VAV3: variants seen among roughly 807,000 people sequenced by gnomAD.
The protein encoded by VAV3 is vav guanine nucleotide exchange factor 3, also known as guanine nucleotide exchange factor VAV3.
In VAV3, 94 loss-of-function variants were observed where a neutral mutation model predicts 131.2. The observed-to-expected ratio is 0.72, with a 90% confidence interval of 0.61 to 0.85. VAV3 has a LOEUF of 0.85. Ranked by LOEUF, VAV3 falls within the 40% of genes least tolerant of loss-of-function variation. VAV3 has a pLI of 0.00. For synonymous variants in VAV3, 349 were observed against 342.0 expected, an observed-to-expected ratio of 1.02 and a Z score of -0.22; for missense variants, 939 against 1,002.7, an observed-to-expected ratio of 0.94 and a Z score of 0.86.
At chr1:107,857,899 A>T (rs1005042391) in intron 2 of VAV3, among the ~76,000 whole-genome samples, 3 of 152,206 alleles carry the variant, frequency 2.0e-5, no homozygotes, top group African/African-American at 7.2e-5. Context: ...ACTACATGGG[A>T]AATTTTTCAT....
Position 107,871,782 on chromosome 1 carries a change from C to T in VAV3, c.321+3119G>A, listed in dbSNP as rs181636884. On this transcript the variant is annotated intron_variant, in intron 2 of 26. Coordinates refer to ENST00000370056, the MANE Select transcript of VAV3 (RefSeq NM_006113.5). ...AAGATTCAAAATAAATCTCCTAAAC[C>T]CCAAACAGAGGGAGAGCTTGGACAA... Among the ~76,000 whole-genome samples the T allele has an allele frequency of 1.5e-4, 23 of 152,140 alleles. No homozygotes were observed. The East Asian group carries it at 3.5e-3, about 23-fold the overall frequency.
In VAV3 at chr1:107,757,332, A is replaced by C; in HGVS notation, c.1018-3T>G. 1 of 1,611,170 alleles carries C rather than the reference A, an allele frequency of 6.2e-7. No homozygotes were observed. The highest frequency in any genetic ancestry group is 8.5e-7 in the Non-Finnish European group (1 of 1,179,066). On this transcript the variant is annotated splice_region_variant and splice_polypyrimidine_tract_variant and intron_variant, in intron 10 of 26. Transcript: ENST00000370056. The stretch of plus-strand genomic sequence containing the variant: ...TCAGTGGTATGTTTGACCAGTTCCT[A>C]TTTGGAAGATATGGTTTAGTACTAC...
chr1:107,770,004 A>C (rs1449520401), intron 6 of VAV3, among the ~76,000 whole-genome samples: 3 of 152,162 alleles, frequency 2.0e-5, no homozygotes, highest in African/African-American at 7.2e-5. Flanking sequence ...ACATCATGTC[A>C]CTTCTGCTCA....
At chr1:107,594,865 G>C (rs1651246857) in intron 25 of VAV3, among the ~76,000 whole-genome samples, 1 of 152,036 alleles carries the variant, frequency 6.6e-6, no homozygotes, top group Non-Finnish European at 1.5e-5. Context: ...AGAGCTAAGT[G>C]AACAACTCAA....
intron 19 of VAV3, among the ~76,000 whole-genome samples, chr1:107,658,506 T>A (rs1171181905): frequency 3.3e-5 from 5 of 152,040 alleles, no homozygotes; most frequent in Admixed American, 6.6e-5. Context: ...TAGTTCTAGA[T>A]CCCTGAGGAA....
At chr1:107,752,136 C>A (rs1450879848) in intron 12 of VAV3, among the ~76,000 whole-genome samples, 1 of 152,154 alleles carries the variant, frequency 6.6e-6, no homozygotes, top group African/African-American at 2.4e-5. Context: ...CACTGGCATA[C>A]AAACAGGTAT....
At chr1:107,721,977 T>C (rs945134510) in intron 15 of VAV3, among the ~76,000 whole-genome samples, 1 of 152,198 alleles carries the variant, frequency 6.6e-6, no homozygotes, top group Non-Finnish European at 1.5e-5. Flanking sequence ...TCTTGGCAGA[T>C]GAAGGCAAGT....
intron 2 of VAV3, among the ~76,000 whole-genome samples, chr1:107,849,929 T>C (rs1571040444): frequency 6.6e-6 from 1 of 152,138 alleles, no homozygotes; most frequent in South Asian, 2.1e-4. Context: ...AACAGACACT[T>C]CTCAAAAGAA....
rs76379499 is a variant in VAV3, at chr1:107,802,333, G to T, written c.322-22841C>A. ...ATTTGACTTCTTCCTTTCCAATATG[G>T]ATGGCCTTTATTTCTTTCTCTGACC... On this transcript the variant is annotated intron_variant, in intron 2 of 26. Transcript: ENST00000370056. Among the ~76,000 whole-genome samples, 1,417 of 151,926 alleles carry T rather than the reference G, an allele frequency of 9.3e-3. 11 individuals are homozygous for T. Among genetic ancestry groups the T allele is most frequent in the South Asian group, 0.02 (96 of 4,820 alleles).
At chr1:107,633,911 TC>T (rs1654705465) in intron 20 of VAV3, among the ~76,000 whole-genome samples, 1 of 151,962 alleles carries the variant, frequency 6.6e-6, no homozygotes, top group Non-Finnish European at 1.5e-5. Flanking sequence ...TTACAGCTGC[TC>T]CCACCACCCC....
intron 19 of VAV3, among the ~76,000 whole-genome samples, chr1:107,671,162 C>A (rs75739737): frequency 0.13 from 20,268 of 152,190 alleles, 1,472 homozygotes; most frequent in Non-Finnish European, 0.16. Flanking sequence ...GTCCTCTAGA[C>A]AAACTGAAAG....
At chr1:107,952,487 C>CATATAT (rs1173992663) in intron 1 of VAV3, among the ~76,000 whole-genome samples, 2 of 133,474 alleles carry the variant, frequency 1.5e-5, no homozygotes, top group Non-Finnish European at 3.1e-5. Context: ...TATATATATA[C>CATATAT]ACACATAAAT....
intron 25 of VAV3, among the ~76,000 whole-genome samples, chr1:107,588,172 A>T (rs1476045866): frequency 1.3e-5 from 2 of 152,208 alleles, no homozygotes; most frequent in African/African-American, 4.8e-5. Context: ...TAACTAAATA[A>T]AAAAGGGAAG....
chr1:107,749,745 A>G (rs1271099566), intron 13 of VAV3, 151 bp from the exon 14 acceptor site: 1 of 869,078 alleles, frequency 1.2e-6, no homozygotes, highest in Admixed American at 3.3e-5. Context: ...ATTTGAGGTT[A>G]TAAGAACTGT....
At chr1:107,690,671 G>A (rs1403186842) in intron 17 of VAV3, among the ~76,000 whole-genome samples, 1 of 151,960 alleles carries the variant, frequency 6.6e-6, no homozygotes, top group Non-Finnish European at 1.5e-5. Flanking sequence ...TTCTGATTGG[G>A]TGCTTTAAGA....
chr1:107,596,015 C>T (rs1029481291), intron 25 of VAV3, among the ~76,000 whole-genome samples, 197 bp downstream of exon 25: 1 of 152,066 alleles, frequency 6.6e-6, no homozygotes, highest in African/African-American at 2.4e-5. Context: ...TTTTAATTTG[C>T]CATAAAGATC....
intron 1 of VAV3, among the ~76,000 whole-genome samples, chr1:107,891,035 G>T (rs535068882): frequency 2.0e-5 from 3 of 151,796 alleles, no homozygotes; most frequent in African/African-American, 7.3e-5. Flanking sequence ...TGTATATATA[G>T]CTCCTTCTGC....
intron 9 of VAV3, among the ~76,000 whole-genome samples, chr1:107,761,486 G>A (rs1198731754): frequency 1.3e-5 from 2 of 151,666 alleles, no homozygotes; most frequent in South Asian, 2.1e-4. Flanking sequence ...TATCTTTATC[G>A]CTGTACTTCC....
At chr1:107,850,576 T>A (rs112445262) in intron 2 of VAV3, among the ~76,000 whole-genome samples, 1 of 91,006 alleles carries the variant, frequency 1.1e-5, no homozygotes, top group Non-Finnish European at 2.1e-5. Flanking sequence ...TGTCGAGGGG[T>A]GGGGGGCAAG....
Sources: gnomAD v4.1 joint callset for allele counts (sites outside exome capture counted in the v4.1 genomes callset) on GRCh38, gnomAD v4.1.1 for gene constraint, MANE v1.5 for transcripts, NCBI Gene and HGNC (gene_info 2026-07-23, HGNC 2026-07-21) for gene names.